Variants in DLEC1 observed in about 807,000 individuals in gnomAD.
DLEC1 encodes DLEC1 cilia and flagella associated protein, also known as deleted in lung and esophageal cancer protein 1.
In DLEC1, 146 loss-of-function variants were observed where a neutral mutation model predicts 198.1. The observed-to-expected ratio is 0.74, with a 90% CI of 0.64 to 0.85. The LOEUF (loss-of-function observed/expected upper bound fraction) is 0.85. DLEC1 is among the 40% of genes least tolerant of loss of function. The pLI, the probability that DLEC1 is intolerant of heterozygous loss-of-function variation, is 0.00. For synonymous variants in DLEC1, 897 were observed against 866.8 expected (o/e 1.03, Z -0.61); for missense variants, 2,233 against 2,220.0 (o/e 1.01, Z -0.12).
intron 6 of DLEC1, among the ~76,000 whole-genome samples, chr3:38,067,443 T>C (rs1357640072): frequency 6.6e-6 from 1 of 152,264 alleles, no homozygotes; most frequent in Non-Finnish European, 1.5e-5. Flanking sequence ...AAGCAAAATT[T>C]CCCAAAGCTC....
intron 1 of DLEC1, among the ~76,000 whole-genome samples, chr3:38,040,597 A>G (rs1700609105): frequency 6.6e-6 from 1 of 152,212 alleles, no homozygotes; most frequent in African/African-American, 2.4e-5. Flanking sequence ...TTCGTGGGTC[A>G]CCACATTCAC....
At chr3:38,052,778 C>T (rs891888975) in intron 2 of DLEC1, among the ~76,000 whole-genome samples, 5 of 152,112 alleles carry the variant, frequency 3.3e-5, no homozygotes, top group Admixed American at 6.5e-5. Flanking sequence ...CCCTCCCCCT[C>T]CGCCTCCTCC....
intron 2 of DLEC1, among the ~76,000 whole-genome samples, chr3:38,048,399 T>A (rs1013045205): frequency 6.6e-6 from 1 of 152,246 alleles, no homozygotes; most frequent in African/African-American, 2.4e-5. Flanking sequence ...GTTATATCTA[T>A]GGCCTAGAGG....
intron 12 of DLEC1, among the ~76,000 whole-genome samples, chr3:38,094,470 G>A (rs566978988): frequency 6.6e-6 from 1 of 152,332 alleles, no homozygotes; most frequent in Admixed American, 6.5e-5. Context: ...AAAGGCAGAG[G>A]GCAGGAATGG....
At chr3:38,114,872 C>A in intron 26 of DLEC1, 111 bp from the exon 27 acceptor site, 1 of 932,106 alleles carries the variant, frequency 1.1e-6, no homozygotes, top group South Asian at 1.6e-5. Flanking sequence ...CGAGTGAGGC[C>A]AGACCACTGT....
intron 34 of DLEC1, 149 bp from the exon 35 acceptor site, chr3:38,121,479 T>C: frequency 1.1e-6 from 1 of 934,560 alleles, no homozygotes; most frequent in East Asian, 2.6e-5. Flanking sequence ...CTGTGGCCTT[T>C]TAAGGTGGCG....
intron 15 of DLEC1, among the ~76,000 whole-genome samples, chr3:38,096,943 C>G (rs1160013294): frequency 1.3e-5 from 2 of 152,210 alleles, no homozygotes; most frequent in Admixed American, 6.5e-5. Context: ...CCAGAATCCT[C>G]TGAAAGTTAG....
rs763746382 is a variant in DLEC1 at position 38,100,322 on chromosome 3, C to T, written c.2761C>T (p.Leu921Phe). Residue 921 changes from leucine (L) to phenylalanine (F), a missense_variant, in exon 19 of 37, where the codon CTT (leucine) becomes TTT (phenylalanine). Transcript: ENST00000308059. ...CGACATTGAGCCTTCGAGTGGCCAG[C>T]TTCACTCTCTGGGGGAGTGCAGGGT... Reference protein sequence around the residue: ...PFDIEPSSGQLHSLGECRVDI... With the variant: ...PFDIEPSSGQFHSLGECRVDI... 1 of 1,613,600 alleles carries T rather than the reference C, an allele frequency of 6.2e-7. No homozygotes were observed. The highest frequency in any genetic ancestry group is 1.1e-5 in the South Asian group (1 of 91,012).
rs1351675591 is a variant in DLEC1 at position 38,096,568 on chromosome 3, GT to G, written c.2173del (p.Ser725GlnfsTer16). 5.0e-6 allele frequency: 8 copies of G among 1,609,936 alleles called. No homozygotes were observed. ...CTAGCTAACGGTGGGTTTGTGTTTA[GT>G]TCAGAAGCGGAGAGCCTGGGGCACT... ...MVLEEVPEPV[S>X]SEAESLGHSS... On this transcript the variant is annotated frameshift_variant and splice_region_variant, in exon 15 of 37. Coordinates refer to ENST00000308059, the MANE Select transcript of DLEC1 (RefSeq NM_007335.4). LOFTEE classifies it high-confidence loss of function.
Position 38,116,969 on chromosome 3 carries a change from T to C in DLEC1, c.4180-6T>C. 6.2e-7 allele frequency: 1 copy of C among 1,613,780 alleles called. No homozygotes were observed. On this transcript the variant is annotated splice_region_variant and splice_polypyrimidine_tract_variant and intron_variant, in intron 29 of 36. Transcript: ENST00000308059. ...GACAGTGCTAAGGCTGCTGTGTCTATGCCAGGTGGTCCCTGCTGGGGGCAG... is the reference window on the plus strand; with the variant it reads ...GACAGTGCTAAGGCTGCTGTGTCTACGCCAGGTGGTCCCTGCTGGGGGCAG...
In DLEC1 at chr3:38,111,658, T is replaced by C; in HGVS notation, c.3444-19T>C. The C allele has an allele frequency of 6.2e-7, 1 of 1,611,354 alleles. No homozygotes were observed. The highest frequency in any genetic ancestry group is 1.7e-4 in the Middle Eastern group (1 of 6,034). ...GGCTTGTCTGACTTGATACTATTTC[T>C]GTGTCTCCACTTGTAAAGTCCCAAC... On this transcript the variant is annotated intron_variant, in intron 23 of 36. Coordinates refer to ENST00000308059, the MANE Select transcript of DLEC1 (RefSeq NM_007335.4).
Position 38,117,102 on chromosome 3 carries a change from T to C in DLEC1, c.4305+2T>C. On this transcript the variant is annotated splice_donor_variant, in intron 30 of 36. Coordinates refer to ENST00000308059, the MANE Select transcript of DLEC1 (RefSeq NM_007335.4). LOFTEE classifies it high-confidence loss of function. ...GGTTTCATGAGCTTGGACAGCAAGGTGAGCTCTTCCGGCCTGGGGTGGGGG... is the reference window on the plus strand; with the variant it reads ...GGTTTCATGAGCTTGGACAGCAAGGCGAGCTCTTCCGGCCTGGGGTGGGGG... The C allele has an allele frequency of 6.2e-7, 1 of 1,613,978 alleles. No individual in the cohort carries two copies. The highest frequency in any genetic ancestry group is 8.5e-7 in the Non-Finnish European group (1 of 1,179,946).
Position 38,114,975 on chromosome 3 carries a change from C to A in DLEC1, c.3786-8C>A. ...TGGCTGTACTGAGTCCAGTCTGTCC[C>A]CCTCCAGGTTCGGCACCCAGGTCTC... On this transcript the variant is annotated splice_polypyrimidine_tract_variant and splice_region_variant and intron_variant, in intron 26 of 36. Transcript: ENST00000308059. 1 of 1,612,888 alleles carries A rather than the reference C, an allele frequency of 6.2e-7. No individual in the cohort carries two copies. The highest frequency in any genetic ancestry group is 8.5e-7 in the Non-Finnish European group (1 of 1,179,344).
intron 8 of DLEC1, 91 bp from the exon 9 acceptor site, chr3:38,086,150 A>G: frequency 6.6e-7 from 1 of 1,505,618 alleles, no homozygotes; most frequent in Non-Finnish European, 8.9e-7. Context: ...AGCTGTCCTG[A>G]TCTCTGGCTG....
Position 38,117,959 on chromosome 3 carries a change from G to C in DLEC1, c.4639G>C (p.Glu1547Gln). Residue 1547 changes from glutamate to glutamine, a missense_variant, in exon 33 of 37, where the codon GAG becomes CAG. Coordinates refer to ENST00000308059, the MANE Select transcript of DLEC1 (RefSeq NM_007335.4). Reference protein sequence around the residue: ...HRAPGPGQKQECEEETASADK... With the variant: ...HRAPGPGQKQQCEEETASADK... Reference sequence around the variant, plus strand: ...AGCTCCTGGCCCTGGCCAGAAGCAGGAGTGTGAGGAGGAGACAGCCTCAGC... The same window carrying C: ...AGCTCCTGGCCCTGGCCAGAAGCAGCAGTGTGAGGAGGAGACAGCCTCAGC... The C allele has an allele frequency of 1.2e-6, 2 of 1,614,004 alleles. No individual in the cohort carries two copies.
chr3:38,094,345 C>T (rs1475182486), intron 12 of DLEC1, among the ~76,000 whole-genome samples: 1 of 152,224 alleles, frequency 6.6e-6, no homozygotes, highest in Non-Finnish European at 1.5e-5. Flanking sequence ...TCATCTCTCC[C>T]CCGGGATAGC....
rs779182127 is a variant in DLEC1, at chr3:38,062,532, C to T, written c.874-49C>T. On this transcript the variant is annotated intron_variant, in intron 4 of 36. Coordinates refer to ENST00000308059, the MANE Select transcript of DLEC1 (RefSeq NM_007335.4). ...TGCAGTTGGTCAAGATGTCAACAAG[C>T]ACAATCCCTTTGCCTGTCATTGACT... 1.9e-6 allele frequency: 3 copies of T among 1,606,212 alleles called. No homozygotes were observed. The East Asian group carries it at 6.7e-5, about 36-fold the overall frequency.
At chr3:38,076,671 G>A (rs141499562) in intron 6 of DLEC1, among the ~76,000 whole-genome samples, 1,542 of 152,312 alleles carry the variant, frequency 0.01, 28 homozygotes, top group African/African-American at 0.034. Flanking sequence ...AGTTACTTCA[G>A]GCCATCTGGG....
In DLEC1 at chr3:38,064,113, C is replaced by T. The variant is rs1206174498; in HGVS notation, c.1173+194C>T. Among the ~76,000 whole-genome samples the T allele has an allele frequency of 4.1e-5, 6 of 145,606 alleles. 1 individual carries two copies. In the South Asian group the frequency reaches 6.6e-4, roughly 16 times the overall value. Reference sequence around the variant, plus strand: ...AGTGAAGGGAAGGTCAGCAGATAAACATGTGAACAAAGGTCTCTGGTTTTC... The same window carrying T: ...AGTGAAGGGAAGGTCAGCAGATAAATATGTGAACAAAGGTCTCTGGTTTTC... On this transcript the variant is annotated intron_variant, in intron 6 of 36. Coordinates refer to ENST00000308059, the MANE Select transcript of DLEC1 (RefSeq NM_007335.4).
Sources: gnomAD v4.1 joint callset for allele counts (sites outside exome capture counted in the v4.1 genomes callset) on GRCh38, gnomAD v4.1.1 for gene constraint, MANE v1.5 for transcripts, NCBI Gene and HGNC (gene_info 2026-07-23, HGNC 2026-07-21) for gene names.